Variants in ROCK1 observed in about 807,000 individuals in gnomAD.
ROCK1 encodes the protein Rho associated coiled-coil containing protein kinase 1.
ROCK1 carries 36 observed loss-of-function variants against 196.8 expected under a neutral mutation model. The ratio of observed to expected loss-of-function variants is 0.18; its 90% confidence interval spans 0.14 to 0.24. ROCK1 has a LOEUF of 0.24. Among genes scored for constraint, ROCK1 ranks in the 10% least tolerant of loss-of-function variants. ROCK1 has a pLI of 1.00. For missense variants in ROCK1, 920 were observed against 1,562.0 expected (o/e 0.59, Z 6.93); for synonymous variants, 443 against 515.9 (o/e 0.86, Z 1.91).
chr18:21,041,077 T>C (rs1463503619), intron 8 of ROCK1, among the ~76,000 whole-genome samples: 1 of 151,582 alleles, frequency 6.6e-6, no homozygotes, highest in Non-Finnish European at 1.5e-5. Context: ...GCCGAGATCA[T>C]GCCACTGCAC....
chr18:20,984,463 G>T lies in ROCK1; in HGVS notation c.2377C>A (p.Gln793Lys). ...TTTAAATTGTCTGCCTCAAATGCTT[G>T]AGTCTTCAATTCATTTTGTAACAAC... ...RLLLQNELKTQAFEADNLKGL... is the reference protein window; with the variant it reads ...RLLLQNELKTKAFEADNLKGL... Residue 793 changes from glutamine (Q) to lysine (K), a missense_variant, in exon 20 of 33, where the codon CAA (glutamine) becomes AAA (lysine). Gln to Lys is a moderately conservative substitution (Grantham distance 53). Coordinates refer to ENST00000399799, the MANE Select transcript of ROCK1 (RefSeq NM_005406.3). The T allele has an allele frequency of 6.2e-7, 1 of 1,613,314 alleles. No individual in the cohort carries two copies. The highest frequency in any genetic ancestry group is 8.5e-7 in the Non-Finnish European group (1 of 1,179,730).
At chr18:20,959,058 T>TTTATATA (rs1568367304) in intron 29 of ROCK1, among the ~76,000 whole-genome samples, 1 of 48,586 alleles carries the variant, frequency 2.1e-5, no homozygotes, top group African/African-American at 2.7e-4. Context: ...ATATATATAT[T>TTTATATA]ATATTTTATA....
intron 23 of ROCK1, 196 bp downstream of exon 23, chr18:20,970,152 A>G (rs555599152): frequency 6.5e-6 from 3 of 465,014 alleles, no homozygotes; most frequent in Admixed American, 3.6e-5. Context: ...CAAAAGCCCA[A>G]TATCTTGAAC....
At chr18:20,960,340 C>T (rs2035315298) in intron 27 of ROCK1, 134 bp from the exon 28 acceptor site, 1 of 594,868 alleles carries the variant, frequency 1.7e-6, no homozygotes, top group African/African-American at 1.9e-5. Context: ...ATTTGCTCTT[C>T]CATGCTTCAA....
Position 20,970,531 on chromosome 18 carries a change from G to C in ROCK1, c.2655-18C>G, listed in dbSNP as rs748576517. On this transcript the variant is annotated intron_variant, in intron 22 of 32. Coordinates refer to ENST00000399799, the MANE Select transcript of ROCK1 (RefSeq NM_005406.3). The stretch of plus-strand genomic sequence containing the variant: ...GAGTTTCTCTGCAACAATTTTTTAA[G>C]AGAAACTGATGTAAACAAATTCAGT... 1.9e-6 allele frequency: 3 copies of C among 1,573,056 alleles called. No homozygotes were observed. Among genetic ancestry groups the C allele is most frequent in the East Asian group, 2.3e-5 (1 of 44,400 alleles).
intron 30 of ROCK1, 31 bp from the exon 31 acceptor site, chr18:20,955,075 T>A: frequency 1.9e-6 from 3 of 1,540,328 alleles, no homozygotes; most frequent in Non-Finnish European, 1.7e-6. Flanking sequence ...AGGAAAAGAT[T>A]TTAAAAATCT....
chr18:21,035,309 G>A (rs115374976), intron 9 of ROCK1, among the ~76,000 whole-genome samples: 103 of 152,332 alleles, frequency 6.8e-4, no homozygotes, highest in African/African-American at 2.4e-3. Flanking sequence ...TTGGTGCACT[G>A]CTGCTGGGAA....
Position 20,951,342 on chromosome 18 carries a change from G to C in ROCK1, c.*42C>G, listed in dbSNP as rs2035185155. 3 of 1,590,468 alleles carry C rather than the reference G, an allele frequency of 1.9e-6. No homozygotes were observed. Among genetic ancestry groups the C allele is most frequent in the Non-Finnish European group, 8.6e-7 (1 of 1,165,850 alleles). ...ATGGTTAAAGAAGCCTGGTTTATCA[G>C]GTAGCATCCCACACGATTCCACAGG... is the stretch of plus-strand genomic sequence containing the variant. On this transcript the variant is annotated 3_prime_UTR_variant, in exon 33 of 33. Coordinates refer to ENST00000399799, the MANE Select transcript of ROCK1 (RefSeq NM_005406.3).
intron 9 of ROCK1, among the ~76,000 whole-genome samples, chr18:21,038,179 T>A (rs1457222201): frequency 6.6e-6 from 1 of 152,160 alleles, no homozygotes; most frequent in Non-Finnish European, 1.5e-5. Context: ...TGTAACCATT[T>A]CTCACTCCCT....
intron 22 of ROCK1, among the ~76,000 whole-genome samples, chr18:20,977,842 A>G (rs2035494651): frequency 6.6e-6 from 1 of 152,184 alleles, no homozygotes; most frequent in Non-Finnish European, 1.5e-5. Context: ...TGAATACCAC[A>G]CAAATGGTAG....
At chr18:21,028,978 T>C (rs777264517) in intron 9 of ROCK1, 43 bp from the exon 10 acceptor site, 1 of 1,584,450 alleles carries the variant, frequency 6.3e-7, no homozygotes, top group African/African-American at 1.4e-5. Flanking sequence ...AAACTTAAAA[T>C]ACAAGTAAAG....
chr18:21,110,947 C>T lies in ROCK1; in HGVS notation c.-37G>A. On this transcript the variant is annotated 5_prime_UTR_variant, in exon 1 of 33. Coordinates refer to ENST00000399799, the MANE Select transcript of ROCK1 (RefSeq NM_005406.3). ...TGTGACAATGCCCTCTTACCAGCAC[C>T]AGCAGCGGAAAGCAATTTCAACCAA... 6.4e-7 allele frequency: 1 copy of T among 1,556,454 alleles called. No homozygotes were observed. The highest frequency in any genetic ancestry group is 8.9e-7 in the Non-Finnish European group (1 of 1,129,002).
intron 18 of ROCK1, 54 bp downstream of exon 18, chr18:20,991,122 T>C: frequency 1.3e-6 from 2 of 1,502,452 alleles, no homozygotes; most frequent in Middle Eastern, 2.0e-4. Context: ...AACCAAATTT[T>C]TTCTAGTCAC....
intron 2 of ROCK1, among the ~76,000 whole-genome samples, chr18:21,061,538 T>C (rs1179695507): frequency 5.3e-5 from 8 of 152,188 alleles, no homozygotes; most frequent in Non-Finnish European, 8.8e-5. Context: ...CCGAATGGTA[T>C]TGGGGTGTTG....
At chr18:21,058,166 T>C (rs1192634767) in intron 2 of ROCK1, among the ~76,000 whole-genome samples, 1 of 152,204 alleles carries the variant, frequency 6.6e-6, no homozygotes, top group African/African-American at 2.4e-5. Flanking sequence ...GAAGAAAATA[T>C]GCCAAAACAA....
intron 29 of ROCK1, among the ~76,000 whole-genome samples, chr18:20,955,667 G>A (rs1191567303): frequency 1.4e-5 from 2 of 147,824 alleles, no homozygotes; most frequent in East Asian, 3.9e-4. Flanking sequence ...GCACATAGAT[G>A]TTCATAGGAG....
At chr18:21,081,308 G>C (rs776798974) in intron 1 of ROCK1, among the ~76,000 whole-genome samples, 8 of 151,956 alleles carry the variant, frequency 5.3e-5, no homozygotes, top group Admixed American at 2.6e-4. Context: ...AATACTTTGA[G>C]ACAAATGAAA....
chr18:20,957,475 T>G (rs1438297671), intron 29 of ROCK1, among the ~76,000 whole-genome samples: 5 of 152,040 alleles, frequency 3.3e-5, no homozygotes, highest in Non-Finnish European at 5.9e-5. Context: ...ACAAGTGAGC[T>G]TTCCTTTTTC....
chr18:20,969,377 G>C, intron 23 of ROCK1, 169 bp from the exon 24 acceptor site: 1 of 495,990 alleles, frequency 2.0e-6, no homozygotes, highest in South Asian at 3.6e-5. Flanking sequence ...ATATTTAAAA[G>C]TAGTTAACAG....
Sources: gnomAD v4.1 joint callset for allele counts (sites outside exome capture counted in the v4.1 genomes callset) on GRCh38, gnomAD v4.1.1 for gene constraint, MANE v1.5 for transcripts, NCBI Gene and HGNC (gene_info 2026-07-23, HGNC 2026-07-21) for gene names.